ROBO2: variants seen among roughly 807,000 people sequenced by gnomAD.
The protein encoded by ROBO2 is roundabout guidance receptor 2.
A neutral mutation model predicts 160.8 loss-of-function variants in ROBO2; 53 were observed. That is an observed-to-expected ratio of 0.33 (90% CI 0.26 to 0.41). The LOEUF (loss-of-function observed/expected upper bound fraction) is 0.41, where lower values mean the gene tolerates loss of function less well. ROBO2 is among the 10% of genes least tolerant of loss of function. The probability of loss-of-function intolerance (pLI) is 1.00; values close to 1 mark genes in which losing one functional copy is unlikely to be tolerated. For missense variants in ROBO2, 1,577 were observed against 1,722.4 expected (o/e 0.92, Z 1.49); for synonymous variants, 664 against 611.7 (o/e 1.09, Z -1.26).
chr3:76,056,235 G>A (rs75385555), intron 2 of ROBO2, among the ~76,000 whole-genome samples: 2,971 of 152,252 alleles, frequency 0.02, 97 homozygotes, highest in African/African-American at 0.067. Context: ...ACCATTTTAT[G>A]TAAAGGACTT....
intron 2 of ROBO2, among the ~76,000 whole-genome samples, chr3:77,022,351 C>G (rs1036070803): frequency 2.0e-5 from 3 of 152,174 alleles, no homozygotes; most frequent in Non-Finnish European, 4.4e-5. Context: ...GCCTGGGTGA[C>G]AGAGTGAGCC....
chr3:77,279,216 G>C (rs1156333451), intron 2 of ROBO2, among the ~76,000 whole-genome samples: 1 of 151,834 alleles, frequency 6.6e-6, no homozygotes, highest in South Asian at 2.1e-4. Context: ...TAAATTTTTA[G>C]AATCGTATAT....
At chr3:76,655,187 C>T (rs372727116) in intron 2 of ROBO2, among the ~76,000 whole-genome samples, 2 of 149,386 alleles carry the variant, frequency 1.3e-5, no homozygotes, top group East Asian at 3.9e-4. Flanking sequence ...TGATTTTTAT[C>T]GTAAGAGAAT....
chr3:76,089,916 A>G (rs59077946), intron 2 of ROBO2, among the ~76,000 whole-genome samples: 3,824 of 152,244 alleles, frequency 0.025, 142 homozygotes, highest in African/African-American at 0.08. Context: ...GATTGTTGAC[A>G]TAAAAAAATC....
intron 2 of ROBO2, among the ~76,000 whole-genome samples, chr3:76,828,571 GCC>G (rs2109273873): frequency 6.6e-6 from 1 of 152,238 alleles, no homozygotes; most frequent in South Asian, 2.1e-4. Context: ...AAAGTTACCA[GCC>G]ATGCTTGAAA....
intron 2 of ROBO2, among the ~76,000 whole-genome samples, chr3:76,839,058 T>TA (rs571042780): frequency 2.6e-4 from 39 of 152,218 alleles, no homozygotes; most frequent in African/African-American, 9.1e-4. Context: ...TTCTTTAAAA[T>TA]AAAACCCTTC....
chr3:76,943,561 A>G (rs535185992), intron 2 of ROBO2, among the ~76,000 whole-genome samples: 1 of 152,324 alleles, frequency 6.6e-6, no homozygotes, highest in Admixed American at 6.5e-5. Context: ...AAATGAAGTT[A>G]ATTACCAAAC....
chr3:75,950,971 T>A (rs1445375795), intron 2 of ROBO2, among the ~76,000 whole-genome samples: 1 of 152,110 alleles, frequency 6.6e-6, no homozygotes, highest in Non-Finnish European at 1.5e-5. Context: ...CTTAAATATA[T>A]AAATAGCTCA....
rs144846930 is a variant in ROBO2, at chr3:76,196,353, A to G, written c.109+258751A>G. On this transcript the variant is annotated intron_variant, in intron 2 of 26. Transcript: ENST00000487694. ...TGACAATAAAAGAATAAGTATTCCT[A>G]TTTTCCCCGATGTATAGTCAGCTGT... Among the ~76,000 whole-genome samples, 568 of 152,186 alleles carry G rather than the reference A, an allele frequency of 3.7e-3. 2 individuals are homozygous for G. The highest frequency in any genetic ancestry group is 5.6e-3 in the Admixed American group (85 of 15,282).
intron 2 of ROBO2, among the ~76,000 whole-genome samples, chr3:77,324,014 C>T (rs989103690): frequency 1.3e-5 from 2 of 152,072 alleles, no homozygotes; most frequent in Non-Finnish European, 2.9e-5. Context: ...ATTTATAACA[C>T]AGATGTAAGT....
At chr3:76,854,065 T>TGC (rs1559605508) in intron 2 of ROBO2, among the ~76,000 whole-genome samples, 2 of 76,986 alleles carry the variant, frequency 2.6e-5, no homozygotes, top group Admixed American at 1.3e-4. Flanking sequence ...TCTCTCTCTC[T>TGC]CTTTCTCTGT....
At chr3:77,201,985 T>A (rs1222033889) in intron 2 of ROBO2, among the ~76,000 whole-genome samples, 1 of 152,184 alleles carries the variant, frequency 6.6e-6, no homozygotes, top group Non-Finnish European at 1.5e-5. Flanking sequence ...TACTCACAAA[T>A]TCCTAGGATT....
At chr3:76,727,132 T>A (rs2093564607) in intron 2 of ROBO2, among the ~76,000 whole-genome samples, 1 of 99,794 alleles carries the variant, frequency 1.0e-5, no homozygotes. Flanking sequence ...TCAAAGAATA[T>A]AACATGCAGT....
intron 16 of ROBO2, among the ~76,000 whole-genome samples, chr3:77,587,129 C>T (rs989633434): frequency 2.6e-5 from 4 of 152,014 alleles, no homozygotes; most frequent in African/African-American, 4.8e-5. Context: ...TACTCCATAC[C>T]GTTATTCAGG....
chr3:76,332,813 A>G (rs1458893999), intron 2 of ROBO2, among the ~76,000 whole-genome samples: 1 of 152,198 alleles, frequency 6.6e-6, no homozygotes, highest in Non-Finnish European at 1.5e-5. Context: ...ACACAATAAA[A>G]CTTTACACTG....
intron 2 of ROBO2, among the ~76,000 whole-genome samples, chr3:76,228,853 C>T (rs1250664755): frequency 6.6e-6 from 1 of 152,040 alleles, no homozygotes; most frequent in African/African-American, 2.4e-5. Flanking sequence ...TTCAAAATAT[C>T]CTTAAAAAAT....
intron 2 of ROBO2, among the ~76,000 whole-genome samples, chr3:76,414,519 A>T (rs2075657764): frequency 6.6e-6 from 1 of 150,676 alleles, no homozygotes; most frequent in Admixed American, 6.6e-5. Context: ...CGCAAGAAGA[A>T]AAAACCAAAC....
At position 77,574,605 on chromosome 3, in the gene ROBO2, C is replaced by A. The variant is rs1478180326; in HGVS notation, c.2078C>A (p.Thr693Asn). The change falls in exon 14 of 26, where the codon ACT (threonine) becomes AAT (asparagine). Residue 693 changes from threonine (T) to asparagine (N), a missense_variant. Coordinates refer to ENST00000461745, the Ensembl canonical transcript of ROBO2. The stretch of plus-strand genomic sequence containing the variant: ...CAGAATTTAGATGCCAAAGTCCCGA[C>A]TGAACGAAGTGCTGTCTTAGTCAAC... The A allele has an allele frequency of 2.5e-6, 4 of 1,613,266 alleles. No homozygotes were observed. In the South Asian group the frequency reaches 3.3e-5, roughly 13 times the overall value.
chr3:77,442,041 G>T (rs1449786129), intron 2 of ROBO2, among the ~76,000 whole-genome samples: 1 of 152,076 alleles, frequency 6.6e-6, no homozygotes, highest in African/African-American at 2.4e-5. Context: ...GGCCGGGCGC[G>T]GTGGCTCACG....
Sources: allele counts gnomAD v4.1 joint callset (sites outside exome capture counted in the v4.1 genomes callset), GRCh38; gene constraint gnomAD v4.1.1; transcripts MANE v1.5; gene names NCBI Gene and HGNC (gene_info 2026-07-23, HGNC 2026-07-21).